NKAIN2: variants seen among roughly 807,000 people sequenced by gnomAD.
NKAIN2 encodes the protein sodium/potassium transporting ATPase interacting 2, also known as sodium/potassium-transporting ATPase subunit beta-1-interacting protein 2.
NKAIN2 carries 14 observed loss-of-function variants against 32.6 expected under a neutral mutation model. The observed-to-expected ratio is 0.43, with a 90% CI of 0.28 to 0.67. NKAIN2 has a LOEUF of 0.67. Among genes scored for constraint, NKAIN2 ranks in the 30% least tolerant of loss-of-function variants. The pLI, the probability that NKAIN2 is intolerant of heterozygous loss-of-function variation, is 0.17. For missense variants in NKAIN2, 198 were observed against 258.3 expected (o/e 0.77, Z 1.60); for synonymous variants, 80 against 87.2 (o/e 0.92, Z 0.46).
chr6:124,100,702 A>G (rs893440752), intron 1 of NKAIN2, among the ~76,000 whole-genome samples: 1 of 152,218 alleles, frequency 6.6e-6, no homozygotes, highest in Non-Finnish European at 1.5e-5. Flanking sequence ...TTTAAATTAG[A>G]TAGTTCTGCT....
intron 3 of NKAIN2, among the ~76,000 whole-genome samples, chr6:124,360,675 A>G (rs906603496): frequency 6.6e-6 from 1 of 152,196 alleles, no homozygotes; most frequent in Non-Finnish European, 1.5e-5. Flanking sequence ...TGATGGGAAT[A>G]TAGTATAAAA....
chr6:124,194,871 T>A (rs1310382668), intron 1 of NKAIN2, among the ~76,000 whole-genome samples: 1 of 152,106 alleles, frequency 6.6e-6, no homozygotes, highest in African/African-American at 2.4e-5. Context: ...AAGGCAAGAA[T>A]TCTTGGATTT....
At chr6:124,666,446 A>G (rs1282174907) in intron 4 of NKAIN2, among the ~76,000 whole-genome samples, 1 of 152,158 alleles carries the variant, frequency 6.6e-6, no homozygotes, top group Non-Finnish European at 1.5e-5. Context: ...AAATATTATT[A>G]TTACTGAATA....
chr6:123,808,310 A>C, intron 1 of NKAIN2, among the ~76,000 whole-genome samples: 1 of 152,186 alleles, frequency 6.6e-6, no homozygotes, highest in East Asian at 1.9e-4. Flanking sequence ...AAAATCTTGA[A>C]GTTGTTAACC....
intron 1 of NKAIN2, among the ~76,000 whole-genome samples, chr6:124,217,715 G>A (rs1791554780): frequency 6.6e-6 from 1 of 151,882 alleles, no homozygotes; most frequent in Non-Finnish European, 1.5e-5. Context: ...CTTCCATTTT[G>A]TCACATATTA....
At position 123,988,227 on chromosome 6, in the gene NKAIN2, T is replaced by C. The variant is rs78059671; in HGVS notation, c.54+183973T>C. On this transcript the variant is annotated intron_variant, in intron 1 of 6. Transcript: ENST00000368417. ...TGACTTTTGTGTCTGGGAAAGACAA[T>C]GTACTCTTATTTTCTCCCTTTTTTA... Among the ~76,000 whole-genome samples, 1,284 of 152,306 alleles carry C rather than the reference T, an allele frequency of 8.4e-3. 66 individuals are homozygous for C. The East Asian group carries it at 0.14, about 17-fold the overall frequency.
intron 1 of NKAIN2, among the ~76,000 whole-genome samples, chr6:123,963,129 T>A (rs1370423100): frequency 6.6e-6 from 1 of 152,202 alleles, no homozygotes; most frequent in Non-Finnish European, 1.5e-5. Flanking sequence ...AGTCACCTTA[T>A]GTAACACTAA....
At chr6:124,313,487 C>T (rs959986313) in intron 2 of NKAIN2, among the ~76,000 whole-genome samples, 1 of 152,082 alleles carries the variant, frequency 6.6e-6, no homozygotes, top group Non-Finnish European at 1.5e-5. Flanking sequence ...TCATTCCCAT[C>T]GACTTTCCTC....
At chr6:124,460,038 T>G (rs1437692000) in intron 3 of NKAIN2, among the ~76,000 whole-genome samples, 1 of 151,754 alleles carries the variant, frequency 6.6e-6, no homozygotes, top group African/African-American at 2.4e-5. Flanking sequence ...ATATTCTATT[T>G]GTAGTCTTTC....
Position 124,457,674 on chromosome 6 carries a change from A to T in NKAIN2, c.273+102327A>T, listed in dbSNP as rs139718450. Among the ~76,000 whole-genome samples the T allele has an allele frequency of 1.0e-3, 156 of 152,048 alleles. 1 individual carries two copies. In the East Asian group the frequency reaches 0.028, roughly 28 times the overall value. On this transcript the variant is annotated intron_variant, in intron 3 of 6. Transcript: ENST00000368417. ...TTGATTTCTGAAGTCACTCCACAGG[A>T]TACACATTATTAACACCCATTTCCA...
chr6:124,407,464 C>A (rs142523876), intron 3 of NKAIN2, among the ~76,000 whole-genome samples: 1 of 151,316 alleles, frequency 6.6e-6, no homozygotes, highest in Admixed American at 6.6e-5. Context: ...TTTGTCCTTG[C>A]AATAGTTTGC....
chr6:124,418,307 G>T (rs1774587159), intron 3 of NKAIN2, among the ~76,000 whole-genome samples: 1 of 151,886 alleles, frequency 6.6e-6, no homozygotes, highest in South Asian at 2.1e-4. Context: ...GATTTGTCTA[G>T]CTTTCTTGTT....
chr6:124,507,375 C>T (rs1350778887), intron 3 of NKAIN2, among the ~76,000 whole-genome samples: 2 of 152,110 alleles, frequency 1.3e-5, no homozygotes, highest in Non-Finnish European at 2.9e-5. Context: ...CTACCTTATC[C>T]TATATTTCTA....
intron 2 of NKAIN2, among the ~76,000 whole-genome samples, chr6:124,346,881 T>A (rs1386070863): frequency 2.6e-5 from 4 of 151,862 alleles, no homozygotes; most frequent in Non-Finnish European, 2.9e-5. Flanking sequence ...GTCATTATGA[T>A]GTTAGCTGGT....
chr6:124,355,605 C>T (rs993041811), intron 3 of NKAIN2, among the ~76,000 whole-genome samples: 3 of 152,108 alleles, frequency 2.0e-5, no homozygotes, highest in African/African-American at 7.2e-5. Flanking sequence ...AAAACATTAA[C>T]CACTGAATGA....
At chr6:124,812,563 T>C (rs1340882627) in intron 5 of NKAIN2, among the ~76,000 whole-genome samples, 1 of 152,138 alleles carries the variant, frequency 6.6e-6, no homozygotes, top group African/African-American at 2.4e-5. Flanking sequence ...AAAATAAAGC[T>C]GAGTGAGGAG....
At chr6:124,358,812 A>T (rs1583118043) in intron 3 of NKAIN2, among the ~76,000 whole-genome samples, 3 of 151,248 alleles carry the variant, frequency 2.0e-5, no homozygotes, top group East Asian at 1.9e-4. Context: ...TTTTGTTGCC[A>T]TTGCTTTTGG....
chr6:124,087,954 T>C (rs1582618893), intron 1 of NKAIN2, among the ~76,000 whole-genome samples: 1 of 152,020 alleles, frequency 6.6e-6, no homozygotes, highest in African/African-American at 2.4e-5. Flanking sequence ...TCCAAAAATG[T>C]GTAGCTTAAG....
At chr6:124,530,629 G>A (rs986795184) in intron 3 of NKAIN2, among the ~76,000 whole-genome samples, 2 of 152,144 alleles carry the variant, frequency 1.3e-5, no homozygotes, top group Admixed American at 6.5e-5. Flanking sequence ...TGGTTATGAA[G>A]GTCAAGTCCC....
Sources: gnomAD v4.1 joint callset for allele counts (sites outside exome capture counted in the v4.1 genomes callset) on GRCh38, gnomAD v4.1.1 for gene constraint, MANE v1.5 for transcripts, NCBI Gene and HGNC (gene_info 2026-07-23, HGNC 2026-07-21) for gene names.